INPP5D: variants seen among roughly 807,000 people sequenced by gnomAD.
INPP5D encodes inositol polyphosphate-5-phosphatase D, also known as phosphatidylinositol 3,4,5-trisphosphate 5-phosphatase 1.
INPP5D carries 33 observed loss-of-function variants against 122.9 expected under a neutral mutation model. The observed-to-expected ratio is 0.27, with a 90% CI of 0.20 to 0.36. The LOEUF (loss-of-function observed/expected upper bound fraction) is 0.36. INPP5D is among the 10% of genes least tolerant of loss of function. INPP5D has a pLI of 1.00. For synonymous variants in INPP5D, 584 were observed against 576.2 expected (o/e 1.01, Z -0.19); for missense variants, 1,053 against 1,412.7 (o/e 0.75, Z 4.08).
At chr2:233,121,731 G>A (rs1041588499) in intron 2 of INPP5D, among the ~76,000 whole-genome samples, 12 of 151,636 alleles carry the variant, frequency 7.9e-5, no homozygotes, top group Admixed American at 3.3e-4. Flanking sequence ...TCATCGTGTT[G>A]GCCAGGCTGG....
At chr2:233,133,936 C>T (rs6738961) in intron 5 of INPP5D, 210,993 of 455,398 alleles carry the variant, frequency 0.46, 50,247 homozygotes, top group Middle Eastern at 0.56. Flanking sequence ...CTGGCACATG[C>T]GGCTCAACAG....
intron 22 of INPP5D, among the ~76,000 whole-genome samples, chr2:233,190,525 C>T (rs1574798958): frequency 2.0e-5 from 3 of 147,498 alleles, no homozygotes; most frequent in African/African-American, 2.5e-5. Flanking sequence ...GCTGAGGTGT[C>T]GTTCAGGGTC....
Position 233,170,549 on chromosome 2 carries a change from G to A in INPP5D, c.1845G>A (p.Leu615=), listed in dbSNP as rs1404500303. The part of the protein sequence containing the change: ...KIKQQQYADL[L]SHDQLLTERR... The stretch of plus-strand genomic sequence containing the variant: ...AGCAGCAGCAGTACGCAGACCTCCT[G>A]TCCCACGACCAGCTGCTCACAGAGA... The change falls in exon 16 of 27, where the codon CTG becomes CTA. Residue 615 remains leucine, a synonymous_variant. Coordinates refer to ENST00000445964, the MANE Select transcript of INPP5D (RefSeq NM_001017915.3). The surrounding 1 kb of genome is among the most constrained non-coding windows in gnomAD (Gnocchi z 4.5). 4 of 1,613,716 alleles carry A rather than the reference G, an allele frequency of 2.5e-6. No individual in the cohort carries two copies. The South Asian group carries it at 4.4e-5, about 18-fold the overall frequency.
chr2:233,157,976 G>A (rs1016327056), intron 9 of INPP5D, among the ~76,000 whole-genome samples: 7 of 152,086 alleles, frequency 4.6e-5, no homozygotes, highest in African/African-American at 1.7e-4. Flanking sequence ...AAAGGAGGAA[G>A]AGTAAGGAAG....
intron 5 of INPP5D, among the ~76,000 whole-genome samples, chr2:233,131,353 T>A (rs1037436398): frequency 6.6e-6 from 1 of 151,232 alleles, no homozygotes; most frequent in Non-Finnish European, 1.5e-5. Flanking sequence ...ACAAAAAAAA[T>A]TCCAGAGCAT....
intron 1 of INPP5D, among the ~76,000 whole-genome samples, chr2:233,077,610 G>T (rs1220958286): frequency 8.0e-6 from 1 of 125,566 alleles, no homozygotes; most frequent in African/African-American, 3.0e-5. Flanking sequence ...GGTGAGCCAA[G>T]ATTGCGTGCC....
rs1293836352 is a variant in INPP5D, at chr2:233,197,120, G to C, written c.2694-975G>C. Among the ~76,000 whole-genome samples, 1 of 152,200 alleles carries C rather than the reference G, an allele frequency of 6.6e-6. No homozygotes were observed. Among genetic ancestry groups the C allele is most frequent in the African/African-American group, 2.4e-5 (1 of 41,454 alleles). On this transcript the variant is annotated intron_variant, in intron 24 of 26. Coordinates refer to ENST00000445964, the MANE Select transcript of INPP5D (RefSeq NM_001017915.3). This position sits in a 1 kb window ranked among gnomAD's most constrained non-coding sequence, Gnocchi z 4.4. Reference sequence around the variant, plus strand: ...CAGTGGTGGATGGGAACAAGGTACAGCTCGGAACCAGGCTGGCAGAGCACA... The same window carrying C: ...CAGTGGTGGATGGGAACAAGGTACACCTCGGAACCAGGCTGGCAGAGCACA...
At chr2:233,109,279 C>A (rs568614522) in intron 2 of INPP5D, among the ~76,000 whole-genome samples, 3 of 152,336 alleles carry the variant, frequency 2.0e-5, no homozygotes, top group South Asian at 2.1e-4. Flanking sequence ...TCCCACAGCA[C>A]ACGCTTCAGC....
Position 233,101,739 on chromosome 2 carries a change from T to C in INPP5D, c.199-20368T>C, listed in dbSNP as rs1692320301. Among the ~76,000 whole-genome samples, 3 of 146,206 alleles carry C rather than the reference T, an allele frequency of 2.1e-5. No individual in the cohort carries two copies. In the South Asian group the frequency reaches 6.3e-4, roughly 31 times the overall value. ...ATATATTATATATAATATAAATATA[T>C]TTATTTATTATAAATTATATTTATT... On this transcript the variant is annotated intron_variant, in intron 2 of 26. Transcript: ENST00000445964.
At chr2:233,068,151 G>GA (rs1691274339) in intron 1 of INPP5D, among the ~76,000 whole-genome samples, 1 of 152,128 alleles carries the variant, frequency 6.6e-6, no homozygotes, top group Non-Finnish European at 1.5e-5. Flanking sequence ...CTGCGATGGT[G>GA]GCATATGCCT....
intron 1 of INPP5D, among the ~76,000 whole-genome samples, chr2:233,075,505 TTG>T (rs10602751): frequency 0.43 from 65,174 of 151,654 alleles, 16,632 homozygotes; most frequent in Non-Finnish European, 0.58. Flanking sequence ...ATGCAAGATA[TTG>T]TGTGTGTGTG....
intron 2 of INPP5D, among the ~76,000 whole-genome samples, chr2:233,106,110 G>T (rs1692462202): frequency 6.6e-6 from 1 of 152,136 alleles, no homozygotes. Flanking sequence ...AGACCCCGGG[G>T]GAAAGTTTAT....
rs572276298 is a variant in INPP5D at position 233,184,337 on chromosome 2, T to C, written c.2162-71T>C. 21 of 1,562,508 alleles carry C rather than the reference T, an allele frequency of 1.3e-5. No homozygotes were observed. In the African/African-American group the frequency reaches 2.6e-4, roughly 19 times the overall value. ...CTGAGAAGGAGCTCAGTATGTGGCA[T>C]GAGAACTAATTTGAAATGCTCCATC... On this transcript the variant is annotated intron_variant, in intron 19 of 26. Transcript: ENST00000445964.
intron 2 of INPP5D, among the ~76,000 whole-genome samples, chr2:233,119,247 G>C (rs1692895306): frequency 6.6e-6 from 1 of 152,172 alleles, no homozygotes; most frequent in Non-Finnish European, 1.5e-5. Context: ...ATTCACACAT[G>C]AGGCGTTCAA....
intron 9 of INPP5D, among the ~76,000 whole-genome samples, chr2:233,150,505 G>A (rs146382281): frequency 0.6 from 77,563 of 130,196 alleles, 20,475 homozygotes; most frequent in South Asian, 0.7. Flanking sequence ...CATCTGTTAA[G>A]GAGAGAGGGG....
chr2:233,195,064 G>A (rs1483031495), intron 23 of INPP5D, among the ~76,000 whole-genome samples: 2 of 152,184 alleles, frequency 1.3e-5, no homozygotes, highest in Non-Finnish European at 2.9e-5. Flanking sequence ...CCAAAGTGCT[G>A]GGGTTACAGG....
At chr2:233,073,286 T>C (rs1691429290) in intron 1 of INPP5D, among the ~76,000 whole-genome samples, 2 of 152,306 alleles carry the variant, frequency 1.3e-5, no homozygotes, top group South Asian at 4.1e-4. Context: ...TCTCCTACTT[T>C]TCAAGTGACA....
Position 233,206,241 on chromosome 2 carries a change from T to G in INPP5D, c.3568-465T>G, listed in dbSNP as rs1456503235. On this transcript the variant is annotated intron_variant, in intron 26 of 26. Coordinates refer to ENST00000445964, the MANE Select transcript of INPP5D (RefSeq NM_001017915.3). The surrounding 1 kb of genome is among the most constrained non-coding windows in gnomAD (Gnocchi z 4.0). ...TTGCATTGTAGGCTATTATGTATTA[T>G]TACCATGTATTATCATCTATATAGA... Among the ~76,000 whole-genome samples the G allele has an allele frequency of 6.6e-6, 1 of 152,116 alleles. No homozygotes were observed. The highest frequency in any genetic ancestry group is 1.5e-5 in the Non-Finnish European group (1 of 68,026).
intron 6 of INPP5D, chr2:233,140,212 T>C (rs1693603234): frequency 4.9e-6 from 1 of 205,166 alleles, no homozygotes; most frequent in African/African-American, 2.3e-5. Context: ...GCAGGGCCTG[T>C]TCCCATCATT....
Sources: gnomAD v4.1 joint callset for allele counts (sites outside exome capture counted in the v4.1 genomes callset) on GRCh38, gnomAD v4.1.1 for gene constraint, Gnocchi (gnomAD v3.1) non-coding constraint, MANE v1.5 for transcripts, NCBI Gene and HGNC (gene_info 2026-07-23, HGNC 2026-07-21) for gene names.